Variants in AKR1C8 observed in about 807,000 individuals in gnomAD.
AKR1C8 encodes the protein aldo-keto reductase family 1 member C-like protein 1.
At chr10:5,155,471 T>A in the AKR1C8 span, 1 of 279,926 alleles carries the variant, frequency 3.6e-6, no homozygotes, top group Non-Finnish European at 7.1e-6. Flanking sequence ...GTGCAGACAT[T>A]GGCAGTTTCA....
At chr10:5,171,199 C>A in the AKR1C8 span, among the ~76,000 whole-genome samples, 72 of 152,014 alleles carry the variant, frequency 4.7e-4, no homozygotes, top group African/African-American at 1.7e-3. Flanking sequence ...TTAAGAGTAC[C>A]TGTTAGAGCT....
chr10:5,160,760 G>C, the AKR1C8 span: 1 of 460,788 alleles, frequency 2.2e-6, no homozygotes, highest in South Asian at 1.6e-5. Flanking sequence ...CCCTCCTCCT[G>C]CAATTCCAAC....
At chr10:5,183,966 T>C in the AKR1C8 span, among the ~76,000 whole-genome samples, 1 of 152,200 alleles carries the variant, frequency 6.6e-6, no homozygotes, top group Non-Finnish European at 1.5e-5. Context: ...TCTTTTTCTT[T>C]TGTGGGCATG....
the AKR1C8 span, chr10:5,162,947 T>C: frequency 3.9e-5 from 21 of 534,728 alleles, no homozygotes; most frequent in African/African-American, 3.3e-4. Flanking sequence ...TTGGTATAAG[T>C]ATGCTGAATC....
the AKR1C8 span, among the ~76,000 whole-genome samples, chr10:5,158,311 C>A: frequency 6.6e-6 from 1 of 152,094 alleles, no homozygotes; most frequent in Non-Finnish European, 1.5e-5. Flanking sequence ...TGTCCATTTG[C>A]CAAAATTGTA....
the AKR1C8 span, among the ~76,000 whole-genome samples, chr10:5,134,171 C>A: frequency 1.3e-5 from 2 of 152,076 alleles, no homozygotes; most frequent in Non-Finnish European, 2.9e-5. Context: ...CCCCTGATAC[C>A]AGCCCTGATC....
At chr10:5,138,270 T>A in the AKR1C8 span, among the ~76,000 whole-genome samples, 40,977 of 151,888 alleles carry the variant, frequency 0.27, 6,538 homozygotes, top group Non-Finnish European at 0.36. Flanking sequence ...AGCGGCCGTT[T>A]ATAGACCTCA....
the AKR1C8 span, among the ~76,000 whole-genome samples, chr10:5,135,838 C>A: frequency 6.6e-6 from 1 of 152,138 alleles, no homozygotes; most frequent in African/African-American, 2.4e-5. Context: ...AAGAAAATTT[C>A]TCCTTTTACC....
At chr10:5,179,510 A>T in the AKR1C8 span, among the ~76,000 whole-genome samples, 1 of 151,940 alleles carries the variant, frequency 6.6e-6, no homozygotes, top group African/African-American at 2.4e-5. Context: ...TATTTCCTGA[A>T]TCTGAATGTT....
chr10:5,147,424 A>C, the AKR1C8 span, among the ~76,000 whole-genome samples: 1 of 152,282 alleles, frequency 6.6e-6, no homozygotes, highest in Middle Eastern at 3.4e-3. Context: ...ACTCAAGGCA[A>C]GTTCCTGCTG....
At chr10:5,163,438 A>G in the AKR1C8 span, among the ~76,000 whole-genome samples, 2 of 152,190 alleles carry the variant, frequency 1.3e-5, no homozygotes, top group South Asian at 4.1e-4. Flanking sequence ...TTTTAGAGCA[A>G]TTCTTGCAAA....
At chr10:5,158,532 C>T in the AKR1C8 span, 1 of 409,932 alleles carries the variant, frequency 2.4e-6, no homozygotes, top group South Asian at 1.8e-5. Flanking sequence ...TAAAACTTCG[C>T]TTTAATAGGA....
At chr10:5,126,442 C>T in the AKR1C8 span, among the ~76,000 whole-genome samples, 1 of 152,054 alleles carries the variant, frequency 6.6e-6, no homozygotes, top group Non-Finnish European at 1.5e-5. Context: ...TCCTGTCAAC[C>T]TGGTATGGGA....
the AKR1C8 span, chr10:5,157,712 G>T: frequency 2.1e-6 from 1 of 472,818 alleles, no homozygotes; most frequent in South Asian, 1.5e-5. Flanking sequence ...TGGTAGCGCA[G>T]GGCGACCTGG....
At chr10:5,158,954 A>G in the AKR1C8 span, among the ~76,000 whole-genome samples, 5 of 152,262 alleles carry the variant, frequency 3.3e-5, no homozygotes, top group South Asian at 8.3e-4. Flanking sequence ...TTGTGCCCCA[A>G]TTATAGCCTC....
At chr10:5,132,596 C>G in the AKR1C8 span, 1 of 1,556,118 alleles carries the variant, frequency 6.4e-7, no homozygotes, top group Non-Finnish European at 8.7e-7. Context: ...ATCATAGGCA[C>G]AGTACCTTTG....
At chr10:5,180,466 G>T in the AKR1C8 span, among the ~76,000 whole-genome samples, 6 of 150,528 alleles carry the variant, frequency 4.0e-5, no homozygotes, top group East Asian at 9.6e-4. Context: ...TGTTCTCAGA[G>T]CTCCAGCTGC....
At chr10:5,158,859 C>A in the AKR1C8 span, 1 of 361,944 alleles carries the variant, frequency 2.8e-6, no homozygotes, top group Non-Finnish European at 5.4e-6. Flanking sequence ...CCTTCTGAAG[C>A]ACTTTCAAAT....
At chr10:5,155,774 A>G in the AKR1C8 span, 1 of 467,546 alleles carries the variant, frequency 2.1e-6, no homozygotes, top group Non-Finnish European at 4.4e-6. Context: ...GGAAGAAAAC[A>G]CTCACATTAA....
Sources: allele counts gnomAD v4.1 joint callset (sites outside exome capture counted in the v4.1 genomes callset), GRCh38; gene constraint gnomAD v4.1.1; transcripts MANE v1.5; gene names NCBI Gene and HGNC (gene_info 2026-07-23, HGNC 2026-07-21).